Variants in FAM227B observed in about 807,000 individuals in gnomAD.
FAM227B encodes protein FAM227B.
A neutral mutation model predicts 73.8 loss-of-function variants in FAM227B; 88 were observed. The ratio of observed to expected loss-of-function variants is 1.19; its 90% CI spans 1.00 to 1.42. FAM227B has a LOEUF of 1.42. FAM227B is among the 40% of genes most tolerant of loss of function. The pLI is 0.00. For synonymous variants in FAM227B, 210 were observed against 190.5 expected (o/e 1.10, Z -0.84); for missense variants, 632 against 590.9 (o/e 1.07, Z -0.72).
chr15:49,595,836 A>G (rs921085166), intron 3 of FAM227B, among the ~76,000 whole-genome samples: 3 of 152,190 alleles, frequency 2.0e-5, no homozygotes, highest in African/African-American at 7.2e-5. Context: ...AGTTTCAACA[A>G]TAGAATCAAA....
intron 13 of FAM227B, among the ~76,000 whole-genome samples, chr15:49,362,355 A>C (rs1161810600): frequency 6.6e-6 from 1 of 152,112 alleles, no homozygotes; most frequent in African/African-American, 2.4e-5. Context: ...TCCCCTTCAC[A>C]TTCTGCTGTG....
intron 11 of FAM227B, among the ~76,000 whole-genome samples, chr15:49,455,339 T>A (rs958682924): frequency 6.6e-6 from 1 of 152,220 alleles, no homozygotes; most frequent in Non-Finnish European, 1.5e-5. Flanking sequence ...TCAATCTGTA[T>A]TTATACACAG....
At chr15:49,510,974 G>C (rs2058953302) in intron 10 of FAM227B, among the ~76,000 whole-genome samples, 1 of 146,584 alleles carries the variant, frequency 6.8e-6, no homozygotes, top group Admixed American at 6.8e-5. Flanking sequence ...TTTTTTTTTA[G>C]CATTTTCTTT....
chr15:49,559,095 C>A (rs2074018159), intron 9 of FAM227B, among the ~76,000 whole-genome samples: 1 of 152,024 alleles, frequency 6.6e-6, no homozygotes, highest in Non-Finnish European at 1.5e-5. Context: ...TCACTGTAGT[C>A]CAGAGATAGA....
chr15:49,328,817 T>A, intron 15 of FAM227B, 142 bp from the exon 16 acceptor site: 1 of 1,416,072 alleles, frequency 7.1e-7, no homozygotes, highest in Admixed American at 2.9e-5. Context: ...GGAAGAAAAT[T>A]CAGACTCATT....
At position 49,576,898 on chromosome 15, in the gene FAM227B, A is replaced by C; in HGVS notation, c.442-53T>G. 5 of 999,916 alleles carry C rather than the reference A, an allele frequency of 5.0e-6. No homozygotes were observed. In the East Asian group the frequency reaches 1.2e-4, roughly 24 times the overall value. 61.9% of individuals were successfully genotyped at this position (999,916 alleles called of 1,614,324 possible). ...GTAAATATTTCACTCTTCTCACTAT[A>C]GTAGACTCATATAACTACAGAAGAC... On this transcript the variant is annotated intron_variant, in intron 6 of 15. Transcript: ENST00000299338.
intron 9 of FAM227B, among the ~76,000 whole-genome samples, chr15:49,552,974 T>G (rs1309358599): frequency 6.6e-6 from 1 of 152,202 alleles, no homozygotes; most frequent in Admixed American, 6.5e-5. Flanking sequence ...CCCTGGTGCC[T>G]TATTTAGTTA....
At chr15:49,513,676 C>G (rs2059174654) in intron 10 of FAM227B, among the ~76,000 whole-genome samples, 1 of 152,110 alleles carries the variant, frequency 6.6e-6, no homozygotes, top group Admixed American at 6.6e-5. Flanking sequence ...TTGCCCATGC[C>G]TATGTCCTGA....
chr15:49,374,444 A>T (rs542097427), intron 11 of FAM227B, among the ~76,000 whole-genome samples: 3 of 152,256 alleles, frequency 2.0e-5, no homozygotes, highest in Non-Finnish European at 4.4e-5. Context: ...TAGAGAAAAT[A>T]TAGGTATCCA....
intron 11 of FAM227B, among the ~76,000 whole-genome samples, chr15:49,429,168 T>TA (rs368669042): frequency 2.0e-5 from 3 of 151,902 alleles, no homozygotes; most frequent in Non-Finnish European, 4.4e-5. Context: ...CCCCTGCCTT[T>TA]AAAAAAATAG....
Position 49,551,424 on chromosome 15 carries a change from C to T in FAM227B, c.748-9618G>A, listed in dbSNP as rs552923471. Reference sequence around the variant, plus strand: ...TTGTCTGATACAAGTATAGCAATTCCTTTTTTTGGTTTCCATTGGCATAGA... The same window carrying T: ...TTGTCTGATACAAGTATAGCAATTCTTTTTTTTGGTTTCCATTGGCATAGA... On this transcript the variant is annotated intron_variant, in intron 9 of 15. Transcript: ENST00000299338. Among the ~76,000 whole-genome samples the T allele has an allele frequency of 3.3e-3, 500 of 152,194 alleles. 1 individual carries two copies. Among genetic ancestry groups the T allele is most frequent in the Non-Finnish European group, 3.4e-3 (232 of 67,994 alleles).
chr15:49,460,206 T>C (rs2053668768), intron 11 of FAM227B, among the ~76,000 whole-genome samples: 1 of 152,106 alleles, frequency 6.6e-6, no homozygotes, highest in African/African-American at 2.4e-5. Flanking sequence ...AAGTTACTTC[T>C]GAAGCCTTAA....
chr15:49,353,847 T>G (rs1029172759), intron 13 of FAM227B: 4 of 152,250 alleles, frequency 2.6e-5, no homozygotes, highest in Non-Finnish European at 5.9e-5. Context: ...ATTACTAGGT[T>G]CTTACCATAT....
intron 12 of FAM227B, 45 bp downstream of exon 12, chr15:49,371,257 A>G (rs1488619528): frequency 8.3e-7 from 1 of 1,211,468 alleles, no homozygotes; most frequent in Middle Eastern, 2.5e-4. Context: ...ATATATTGCA[A>G]ATTAAACAAG....
intron 9 of FAM227B, among the ~76,000 whole-genome samples, chr15:49,560,969 A>G (rs1031715635): frequency 1.3e-5 from 2 of 152,198 alleles, no homozygotes; most frequent in African/African-American, 4.8e-5. Flanking sequence ...CAAGTACATA[A>G]TAGAAGATAG....
At chr15:49,344,083 T>G (rs1305737873) in intron 13 of FAM227B, 1 of 152,194 alleles carries the variant, frequency 6.6e-6, no homozygotes, top group African/African-American at 2.4e-5. Context: ...GAAGCCTCAT[T>G]TTAAATAATT....
At chr15:49,546,899 G>A (rs1833906985) in intron 9 of FAM227B, among the ~76,000 whole-genome samples, 1 of 152,116 alleles carries the variant, frequency 6.6e-6, no homozygotes. Flanking sequence ...TAGCAAGGCA[G>A]GCCAACATTC....
intron 11 of FAM227B, among the ~76,000 whole-genome samples, chr15:49,489,785 G>T (rs1446081844): frequency 1.1e-5 from 1 of 89,912 alleles, no homozygotes; most frequent in Non-Finnish European, 2.4e-5. Context: ...TACAGAACAG[G>T]AGATATATAT....
intron 11 of FAM227B, among the ~76,000 whole-genome samples, chr15:49,386,067 G>C (rs897084820): frequency 2.0e-5 from 3 of 151,736 alleles, no homozygotes; most frequent in Admixed American, 2.0e-4. Flanking sequence ...ACTTCAGTGT[G>C]CCACTGACAG....
Sources: gnomAD v4.1 joint callset for allele counts (sites outside exome capture counted in the v4.1 genomes callset) on GRCh38, gnomAD v4.1.1 for gene constraint, MANE v1.5 for transcripts, NCBI Gene and HGNC (gene_info 2026-07-23, HGNC 2026-07-21) for gene names.